The following MYL10 variants were observed in gnomAD, a reference collection of about 807,000 sequenced individuals.
MYL10 encodes myosin regulatory light chain 10.
Under a neutral mutation model 21.9 loss-of-function variants are expected in MYL10, and 18 were observed. The observed-to-expected ratio is 0.82, with a 90% confidence interval of 0.57 to 1.22. The LOEUF is 1.22. MYL10 is among the 50% of genes most tolerant of loss of function. The probability of loss-of-function intolerance (pLI) is 0.00; values close to 1 mark genes in which losing one functional copy is unlikely to be tolerated. For missense variants in MYL10, 225 were observed against 230.4 expected (o/e 0.98, Z 0.15); for synonymous variants, 88 against 82.8 (o/e 1.06, Z -0.34).
intron 5 of MYL10, among the ~76,000 whole-genome samples, chr7:101,618,587 C>G (rs1179039026): frequency 2.0e-5 from 3 of 152,182 alleles, no homozygotes; most frequent in African/African-American, 7.2e-5. Flanking sequence ...CTTGAGACTG[C>G]AAACCTCATA....
chr7:101,624,517 C>A (rs551890065), intron 1 of MYL10, among the ~76,000 whole-genome samples: 4 of 152,236 alleles, frequency 2.6e-5, no homozygotes, highest in Non-Finnish European at 5.9e-5. Flanking sequence ...GTCCCCCGGG[C>A]TCCGGAAGGT....
chr7:101,615,600 C>CA (rs201968851), intron 6 of MYL10, among the ~76,000 whole-genome samples: 3 of 147,130 alleles, frequency 2.0e-5, no homozygotes, highest in African/African-American at 5.1e-5. Context: ...GCTGTTCCCC[C>CA]CCTAGCCTGG....
At chr7:101,613,983 A>G (rs550519666) in intron 6 of MYL10, among the ~76,000 whole-genome samples, 2 of 152,246 alleles carry the variant, frequency 1.3e-5, no homozygotes, top group East Asian at 3.9e-4. Context: ...CTGATTTCCC[A>G]TCATGCACTA....
Position 101,616,231 on chromosome 7 carries a change from G to A in MYL10, c.522C>T (p.Val174=). 6.2e-7 allele frequency: 1 copy of A among 1,614,094 alleles called. No individual in the cohort carries two copies. Among genetic ancestry groups the A allele is most frequent in the Non-Finnish European group, 8.5e-7 (1 of 1,179,948 alleles). The change falls in exon 6 of 8, where the codon GTC becomes GTT. Residue 174 remains valine (V), a synonymous_variant. Coordinates refer to ENST00000223167, the MANE Select transcript of MYL10 (RefSeq NM_138403.5). ...KVFDTEGKGF[V]KADVIKEKLM... Reference sequence around the variant, plus strand: ...CAGGGGAAACTTACACATCGGCCTTGACGAAACCTTTCCCTTCAGTGTCGA... The same window carrying A: ...CAGGGGAAACTTACACATCGGCCTTAACGAAACCTTTCCCTTCAGTGTCGA...
At chr7:101,620,031 G>A (rs922888604) in intron 5 of MYL10, among the ~76,000 whole-genome samples, 1 of 151,956 alleles carries the variant, frequency 6.6e-6, no homozygotes, top group Non-Finnish European at 1.5e-5. Flanking sequence ...GAATCCAACG[G>A]CAGGTAGAGT....
chr7:101,621,020 C>G (rs890261770), intron 5 of MYL10, among the ~76,000 whole-genome samples: 2 of 152,038 alleles, frequency 1.3e-5, no homozygotes, highest in Admixed American at 6.6e-5. Flanking sequence ...ACCTCCTGAC[C>G]TCAGGTGATC....
chr7:101,624,305 C>T (rs751940621), intron 1 of MYL10, 41 bp from the exon 2 acceptor site: 6 of 1,508,366 alleles, frequency 4.0e-6, no homozygotes, highest in Non-Finnish European at 5.5e-6. Flanking sequence ...GCCCCTGCCT[C>T]GAGGGTCAGC....
At chr7:101,617,524 C>T (rs1796622582) in intron 5 of MYL10, among the ~76,000 whole-genome samples, 1 of 152,268 alleles carries the variant, frequency 6.6e-6, no homozygotes, top group Non-Finnish European at 1.5e-5. Context: ...TCACCCTGTG[C>T]TCTTGCCAGT....
intron 1 of MYL10, among the ~76,000 whole-genome samples, chr7:101,624,923 G>A (rs1030066320): frequency 2.3e-4 from 35 of 151,796 alleles, no homozygotes; most frequent in African/African-American, 8.5e-4. Context: ...CTGACCCCAG[G>A]CCACTCTCCC....
rs1796570697 is a variant in MYL10, at chr7:101,613,331, C to T, written c.*144G>A. The T allele has an allele frequency of 1.5e-6, 1 of 656,684 alleles. No homozygotes were observed. The highest frequency in any genetic ancestry group is 1.9e-5 in the South Asian group (1 of 52,918). The allele number at this position is 656,684 out of a possible 1,614,324, so 40.7% of individuals were successfully genotyped here. A position where few individuals can be genotyped will look rare whatever the true frequency, so the allele number is the denominator to read the frequency against. On this transcript the variant is annotated 3_prime_UTR_variant, in exon 8 of 8. Coordinates refer to ENST00000223167, the MANE Select transcript of MYL10 (RefSeq NM_138403.5). The stretch of plus-strand genomic sequence containing the variant: ...GAGCATTTACCGCACAAACTCAGAC[C>T]TCATTAGCATTATTTATTCTTGCTT...
At chr7:101,624,120 TG>T in intron 2 of MYL10, 51 bp downstream of exon 2, 1 of 1,123,460 alleles carries the variant, frequency 8.9e-7, no homozygotes, top group Non-Finnish European at 1.4e-6. Context: ...CTTGAGCAAC[TG>T]GCATGCATTC....
At position 101,629,077 on chromosome 7, in the gene MYL10, G is replaced by C. The variant is rs554216162; in HGVS notation, c.42C>G (p.Ile14Met). 1 of 424,614 alleles carries C rather than the reference G, an allele frequency of 2.4e-6. No individual in the cohort carries two copies. The highest frequency in any genetic ancestry group is 7.7e-5 in the East Asian group (1 of 12,982). 26.3% of individuals were successfully genotyped at this position (424,614 alleles called of 1,614,324 possible). A position where few individuals can be genotyped will look rare whatever the true frequency, so the allele number is the denominator to read the frequency against. ...GCACTTTGGGAGGCCGAGGAGGGAG[G>C]ATCACTTGAGGCCAGGAGTTTGAGA... Reference protein sequence around the residue: ...RLVSNSWPQVILPPRPPKVLG... With the variant: ...RLVSNSWPQVMLPPRPPKVLG... The change falls in exon 1 of 8, where the codon ATC (isoleucine) becomes ATG (methionine). Residue 14 changes from isoleucine (I) to methionine (M), a missense_variant. Ile to Met is a conservative substitution (Grantham distance 10, BLOSUM62 1). Coordinates refer to ENST00000223167, the MANE Select transcript of MYL10 (RefSeq NM_138403.5).
At chr7:101,620,285 A>G (rs974257488) in intron 5 of MYL10, among the ~76,000 whole-genome samples, 3 of 152,168 alleles carry the variant, frequency 2.0e-5, no homozygotes, top group Non-Finnish European at 4.4e-5. Context: ...AGATGGCGCC[A>G]TTATACTCCA....
At chr7:101,614,070 C>T (rs1796581192) in intron 6 of MYL10, among the ~76,000 whole-genome samples, 1 of 152,208 alleles carries the variant, frequency 6.6e-6, no homozygotes, top group African/African-American at 2.4e-5. Flanking sequence ...ATTCTGGACA[C>T]ACTCTTTCCT....
chr7:101,619,763 A>G (rs1046188739), intron 5 of MYL10, among the ~76,000 whole-genome samples: 1 of 151,696 alleles, frequency 6.6e-6, no homozygotes, highest in African/African-American at 2.4e-5. Flanking sequence ...GGTGGCAGGC[A>G]CCTGTAGCCC....
chr7:101,622,664 A>C (rs1419767371), intron 4 of MYL10, among the ~76,000 whole-genome samples: 1 of 152,028 alleles, frequency 6.6e-6, no homozygotes, highest in African/African-American at 2.4e-5. Flanking sequence ...AGAAACCTCA[A>C]CCTGGGAGTT....
rs574456447 is a variant in MYL10 at position 101,624,378 on chromosome 7, C to T, written c.79-114G>A. The T allele has an allele frequency of 5.1e-5, 37 of 718,894 alleles. No homozygotes were observed. The East Asian group carries it at 5.8e-4, about 11-fold the overall frequency. 44.5% of individuals were successfully genotyped at this position (718,894 alleles called of 1,614,324 possible). ...CAGAATGACACCGCTTTGCCCTTCC[C>T]GGTGCCTACAGCAGACAGACAAGGC... On this transcript the variant is annotated intron_variant, in intron 1 of 7. Transcript: ENST00000223167.
intron 1 of MYL10, among the ~76,000 whole-genome samples, chr7:101,628,446 A>G (rs1796771356): frequency 6.6e-6 from 1 of 152,152 alleles, no homozygotes; most frequent in African/African-American, 2.4e-5. Flanking sequence ...ACAGAGTGAG[A>G]TATTGTCTCT....
intron 1 of MYL10, among the ~76,000 whole-genome samples, chr7:101,627,914 C>T (rs1345683107): frequency 1.3e-5 from 2 of 152,198 alleles, no homozygotes; most frequent in African/African-American, 2.4e-5. Context: ...TGTGGCCGGA[C>T]CTCTGGAGCT....
Sources: allele counts gnomAD v4.1 joint callset (sites outside exome capture counted in the v4.1 genomes callset), GRCh38; gene constraint gnomAD v4.1.1; transcripts MANE v1.5; gene names NCBI Gene and HGNC (gene_info 2026-07-23, HGNC 2026-07-21).